Variants in STAU2 observed in about 807,000 individuals in gnomAD.
The protein encoded by STAU2 is staufen double-stranded RNA binding protein 2, also known as double-stranded RNA-binding protein Staufen homolog 2.
A neutral mutation model predicts 65.9 loss-of-function variants in STAU2; 20 were observed. The observed-to-expected ratio is 0.30, with a 90% CI of 0.21 to 0.44. The LOEUF (loss-of-function observed/expected upper bound fraction) is 0.44, where lower values mean the gene tolerates loss of function less well. STAU2 is among the 20% of genes least tolerant of loss of function. The pLI is 1.00. For missense variants in STAU2, 558 were observed against 683.9 expected (o/e 0.82, Z 2.05); for synonymous variants, 232 against 233.9 (o/e 0.99, Z 0.07).
intron 13 of STAU2, among the ~76,000 whole-genome samples, chr8:73,460,687 G>A (rs1284209383): frequency 6.6e-6 from 1 of 152,190 alleles, no homozygotes; most frequent in Admixed American, 6.5e-5. Context: ...CCATTTTGGT[G>A]ACAACAGAGG....
intron 13 of STAU2, among the ~76,000 whole-genome samples, chr8:73,519,055 T>G (rs956415377): frequency 1.3e-5 from 2 of 152,226 alleles, no homozygotes. Flanking sequence ...TCAAGTTATA[T>G]TTTGAATTTT....
intron 10 of STAU2, among the ~76,000 whole-genome samples, chr8:73,601,667 T>C (rs1811637757): frequency 6.6e-6 from 1 of 152,166 alleles, no homozygotes; most frequent in South Asian, 2.1e-4. Context: ...AAAAACAATA[T>C]GAATTCAGTG....
chr8:73,673,454 T>C (rs966251177), intron 5 of STAU2, among the ~76,000 whole-genome samples: 1 of 152,128 alleles, frequency 6.6e-6, no homozygotes, highest in Non-Finnish European at 1.5e-5. Context: ...TTTCTGTACA[T>C]TAATGACAAA....
intron 6 of STAU2, among the ~76,000 whole-genome samples, chr8:73,617,779 A>G (rs1295309159): frequency 1.3e-5 from 2 of 152,258 alleles, no homozygotes; most frequent in Non-Finnish European, 2.9e-5. Context: ...TGATGAAGCT[A>G]CAACAGAGGC....
intron 6 of STAU2, among the ~76,000 whole-genome samples, chr8:73,658,652 T>C (rs1816570049): frequency 6.6e-6 from 1 of 152,046 alleles, no homozygotes; most frequent in Admixed American, 6.6e-5. Flanking sequence ...TGGTGGCTCA[T>C]GCCTGTAATC....
intron 9 of STAU2, among the ~76,000 whole-genome samples, chr8:73,608,954 G>A (rs1360419548): frequency 1.3e-5 from 2 of 152,092 alleles, no homozygotes; most frequent in African/African-American, 4.8e-5. Context: ...CTCCAGCCTG[G>A]GCAACAAGAG....
upstream of STAU2, chr8:73,746,919 G>A (rs1309259507): frequency 2.2e-6 from 2 of 920,536 alleles, no homozygotes; most frequent in Non-Finnish European, 2.6e-6. Flanking sequence ...CCGCCTCCCC[G>A]GCGCTCCCGC....
chr8:73,599,110 A>G (rs1456538715), intron 10 of STAU2, among the ~76,000 whole-genome samples: 3 of 152,228 alleles, frequency 2.0e-5, no homozygotes, highest in East Asian at 3.8e-4. Flanking sequence ...AAAATTCCAT[A>G]TATCTTTTTA....
chr8:73,427,534 C>T (rs1816913456), intron 13 of STAU2, among the ~76,000 whole-genome samples: 1 of 152,240 alleles, frequency 6.6e-6, no homozygotes, highest in South Asian at 2.1e-4. Context: ...AAGGAATTCA[C>T]AGAGGAATTT....
At chr8:73,634,731 G>C (rs1356063977) in intron 6 of STAU2, among the ~76,000 whole-genome samples, 1 of 152,004 alleles carries the variant, frequency 6.6e-6, no homozygotes, top group Non-Finnish European at 1.5e-5. Flanking sequence ...AAGCCTCCAC[G>C]TTAGGGCCTT....
At chr8:73,467,299 A>G (rs1327843608) in intron 13 of STAU2, among the ~76,000 whole-genome samples, 1 of 152,166 alleles carries the variant, frequency 6.6e-6, no homozygotes, top group African/African-American at 2.4e-5. Context: ...TTGGGAGGCC[A>G]AGGCAGGTGG....
At chr8:73,508,720 G>A (rs1822207247) in intron 13 of STAU2, among the ~76,000 whole-genome samples, 1 of 152,054 alleles carries the variant, frequency 6.6e-6, no homozygotes, top group Non-Finnish European at 1.5e-5. Flanking sequence ...ACCTTTTCTG[G>A]AAATTTCATA....
intron 13 of STAU2, among the ~76,000 whole-genome samples, chr8:73,472,615 A>G (rs1332068603): frequency 2.6e-5 from 4 of 152,194 alleles, no homozygotes; most frequent in African/African-American, 9.7e-5. Flanking sequence ...ATAATGTTCA[A>G]CATGCCAAAG....
chr8:73,668,801 T>C (rs1037310494), intron 6 of STAU2, among the ~76,000 whole-genome samples: 2 of 152,176 alleles, frequency 1.3e-5, no homozygotes, highest in Non-Finnish European at 2.9e-5. Flanking sequence ...AATGTTTTTT[T>C]CTCCACTCAT....
At chr8:73,645,486 C>G (rs1040289451) in intron 6 of STAU2, among the ~76,000 whole-genome samples, 1 of 118,272 alleles carries the variant, frequency 8.5e-6, no homozygotes, top group Middle Eastern at 4.5e-3. Context: ...TAAAATCAGA[C>G]TTAATGGTGA....
chr8:73,583,033 T>G (rs536250191), intron 11 of STAU2, among the ~76,000 whole-genome samples: 35 of 152,204 alleles, frequency 2.3e-4, no homozygotes, highest in Non-Finnish European at 2.9e-4. Flanking sequence ...CTAAATCTAC[T>G]TATGTCCTTC....
chr8:73,502,682 A>G (rs1283066197), intron 13 of STAU2, among the ~76,000 whole-genome samples: 1 of 152,004 alleles, frequency 6.6e-6, no homozygotes, highest in Non-Finnish European at 1.5e-5. Flanking sequence ...CTTTGTGGAA[A>G]TCACTCCTGC....
chr8:73,456,631 G>C (rs1206391027), intron 13 of STAU2, among the ~76,000 whole-genome samples: 1 of 152,060 alleles, frequency 6.6e-6, no homozygotes, highest in Non-Finnish European at 1.5e-5. Flanking sequence ...ATATTCGGAG[G>C]TCTTGGGGAG....
intron 6 of STAU2, among the ~76,000 whole-genome samples, chr8:73,630,108 G>A (rs115913028): frequency 2.4e-3 from 363 of 152,260 alleles, no homozygotes; most frequent in African/African-American, 8.2e-3. Context: ...TTGGATTAAC[G>A]TTAAACAATT....
Sources: allele counts gnomAD v4.1 joint callset (sites outside exome capture counted in the v4.1 genomes callset), GRCh38; gene constraint gnomAD v4.1.1; transcripts MANE v1.5; gene names NCBI Gene and HGNC (gene_info 2026-07-23, HGNC 2026-07-21).